TRABD2A: variants seen among roughly 807,000 people sequenced by gnomAD.
TRABD2A encodes TraB domain containing 2A.
In TRABD2A, 43 loss-of-function variants were observed where a neutral mutation model predicts 45.6. That is an observed-to-expected ratio of 0.94 (90% CI 0.74 to 1.22). The LOEUF (loss-of-function observed/expected upper bound fraction) is 1.22, where lower values mean the gene tolerates loss of function less well. Among genes scored for constraint, TRABD2A ranks in the 50% most tolerant of loss-of-function variants. The pLI, the probability that TRABD2A is intolerant of heterozygous loss-of-function variation, is 0.00. For synonymous variants in TRABD2A, 269 were observed against 265.0 expected, an observed-to-expected ratio of 1.02 and a Z score of -0.15; for missense variants, 642 against 652.4, an observed-to-expected ratio of 0.98 and a Z score of 0.17.
At chr2:84,842,273 C>T (rs1453415829) in intron 2 of TRABD2A, among the ~76,000 whole-genome samples, 1 of 152,010 alleles carries the variant, frequency 6.6e-6, no homozygotes, top group African/African-American at 2.4e-5. Flanking sequence ...ATGAGTGTGA[C>T]CAAGAGGTGA....
intron 2 of TRABD2A, among the ~76,000 whole-genome samples, chr2:84,846,109 G>A (rs1480921739): frequency 1.3e-5 from 2 of 152,080 alleles, no homozygotes; most frequent in African/African-American, 4.8e-5. Flanking sequence ...GGGGAGGGAG[G>A]TCACCTTGTG....
At chr2:84,865,677 C>T (rs1573949152) in intron 2 of TRABD2A, among the ~76,000 whole-genome samples, 1 of 152,218 alleles carries the variant, frequency 6.6e-6, no homozygotes, top group Admixed American at 6.5e-5. Flanking sequence ...GACGTCCGAT[C>T]ACTTGGTGGG....
At position 84,821,910 on chromosome 2, in the gene TRABD2A, C is replaced by T. The variant is rs1434670559; in HGVS notation, c.*7G>A. 1 of 1,580,876 alleles carries T rather than the reference C, an allele frequency of 6.3e-7. No individual in the cohort carries two copies. Among genetic ancestry groups the T allele is most frequent in the South Asian group, 1.2e-5 (1 of 84,838 alleles). On this transcript the variant is annotated 3_prime_UTR_variant, in exon 7 of 7. Transcript: ENST00000409520. ...GGGTCAGGTTCTTAGCCTGGTGCTT[C>T]CAGTCGTTACAGGAGGGGTGTCTCT...
chr2:84,835,715 C>T (rs1346496359), intron 4 of TRABD2A, among the ~76,000 whole-genome samples: 2 of 152,212 alleles, frequency 1.3e-5, no homozygotes, highest in African/African-American at 4.8e-5. Context: ...CCATGTCCAG[C>T]TGAGGGCCTT....
intron 2 of TRABD2A, among the ~76,000 whole-genome samples, chr2:84,858,118 ATCC>A (rs1682376863): frequency 6.6e-6 from 1 of 152,008 alleles, no homozygotes; most frequent in East Asian, 1.9e-4. Context: ...GCCTCAAGCA[ATCC>A]TCCTGCCTCA....
At chr2:84,868,830 C>T (rs958228805) in intron 2 of TRABD2A, among the ~76,000 whole-genome samples, 7 of 152,272 alleles carry the variant, frequency 4.6e-5, no homozygotes, top group African/African-American at 1.2e-4. Flanking sequence ...AAATTCATTC[C>T]GTCAAAATCA....
intron 4 of TRABD2A, chr2:84,833,040 A>G (rs1681394513): frequency 6.6e-6 from 1 of 152,270 alleles, no homozygotes; most frequent in Non-Finnish European, 1.5e-5. Flanking sequence ...GCGGCAGTAC[A>G]GCAAATAGGC....
At chr2:84,832,499 G>A (rs1165405455) in intron 4 of TRABD2A, 3 of 234,362 alleles carry the variant, frequency 1.3e-5, no homozygotes, top group Non-Finnish European at 2.6e-5. Flanking sequence ...CACTGGTCTG[G>A]AGAAAATACA....
intron 2 of TRABD2A, among the ~76,000 whole-genome samples, chr2:84,846,741 C>T (rs1379028662): frequency 6.6e-6 from 1 of 152,220 alleles, no homozygotes; most frequent in East Asian, 1.9e-4. Context: ...TTATGTTAAG[C>T]AAGGCAAAGC....
intron 2 of TRABD2A, among the ~76,000 whole-genome samples, chr2:84,862,659 GC>G (rs1682538792): frequency 6.6e-6 from 1 of 152,144 alleles, no homozygotes; most frequent in South Asian, 2.1e-4. Context: ...GCAGCCCAGA[GC>G]CAGGGGAAGG....
At chr2:84,829,017 G>A (rs1023568502) in intron 5 of TRABD2A, among the ~76,000 whole-genome samples, 1 of 152,158 alleles carries the variant, frequency 6.6e-6, no homozygotes, top group African/African-American at 2.4e-5. Flanking sequence ...GGAGAAGAAA[G>A]GGTAGAAAGA....
In TRABD2A at chr2:84,830,601, G is replaced by T. The variant is rs1681298839; in HGVS notation, c.1082+1454C>A. ...CAAATCCCAGCGAGTCTTTAGTGGAGGAAGCCAAAAGCCTGGTGGAGAAGG... is the reference window on the plus strand; with the variant it reads ...CAAATCCCAGCGAGTCTTTAGTGGATGAAGCCAAAAGCCTGGTGGAGAAGG... On this transcript the variant is annotated intron_variant, in intron 5 of 6. Transcript: ENST00000409520. This position sits in a 1 kb window ranked among gnomAD's most constrained non-coding sequence, Gnocchi z 4.9. Among the ~76,000 whole-genome samples the T allele has an allele frequency of 6.6e-6, 1 of 152,188 alleles. No individual in the cohort carries two copies.
intron 1 of TRABD2A, among the ~76,000 whole-genome samples, chr2:84,872,133 A>G (rs1682886937): frequency 6.6e-6 from 1 of 152,216 alleles, no homozygotes; most frequent in Non-Finnish European, 1.5e-5. Flanking sequence ...TCAAGGAATT[A>G]GGTGTAAATG....
intron 2 of TRABD2A, among the ~76,000 whole-genome samples, chr2:84,848,346 A>G (rs1443210904): frequency 8.0e-6 from 1 of 125,548 alleles, no homozygotes; most frequent in Non-Finnish European, 1.6e-5. Flanking sequence ...AGATAGATAG[A>G]TAGATAGATA....
chr2:84,829,319 T>C (rs1334215426), intron 5 of TRABD2A, among the ~76,000 whole-genome samples: 1 of 150,952 alleles, frequency 6.6e-6, no homozygotes, highest in Non-Finnish European at 1.5e-5. Flanking sequence ...CAAGGGCAGG[T>C]GTCAGGGTTA....
chr2:84,847,926 C>T (rs1225145550), intron 2 of TRABD2A, among the ~76,000 whole-genome samples: 3 of 152,190 alleles, frequency 2.0e-5, no homozygotes, highest in Non-Finnish European at 2.9e-5. Flanking sequence ...GGTTCCTTGG[C>T]TTGTGGCTAC....
At position 84,830,550 on chromosome 2, in the gene TRABD2A, G is replaced by T. The variant is rs1681297843; in HGVS notation, c.1082+1505C>A. Among the ~76,000 whole-genome samples, 1 of 152,244 alleles carries T rather than the reference G, an allele frequency of 6.6e-6. No homozygotes were observed. Among genetic ancestry groups the T allele is most frequent in the South Asian group, 2.1e-4 (1 of 4,830 alleles). ...CAGAGGGAGAAGGGCCTGGAAGGGG[G>T]CGGTGGCCATGGAAATGGAGAAGGA... On this transcript the variant is annotated intron_variant, in intron 5 of 6. Transcript: ENST00000409520. This position sits in a 1 kb window ranked among gnomAD's most constrained non-coding sequence, Gnocchi z 4.9.
intron 1 of TRABD2A, among the ~76,000 whole-genome samples, chr2:84,880,461 C>G (rs112761867): frequency 0.014 from 2,184 of 152,324 alleles, 50 homozygotes; most frequent in African/African-American, 0.05. Flanking sequence ...TCCCTAAAGT[C>G]CCTTCTAACT....
At chr2:84,854,882 C>T (rs943398770) in intron 2 of TRABD2A, among the ~76,000 whole-genome samples, 2 of 152,140 alleles carry the variant, frequency 1.3e-5, no homozygotes, top group Non-Finnish European at 2.9e-5. Flanking sequence ...TGGGGAAAAG[C>T]TCCACAAAAC....
Sources: gnomAD v4.1 joint callset for allele counts (sites outside exome capture counted in the v4.1 genomes callset) on GRCh38, gnomAD v4.1.1 for gene constraint, Gnocchi (gnomAD v3.1) non-coding constraint, MANE v1.5 for transcripts, NCBI Gene and HGNC (gene_info 2026-07-23, HGNC 2026-07-21) for gene names.